The following COL24A1 variants were observed in gnomAD, a reference collection of about 807,000 sequenced individuals.
The protein encoded by COL24A1 is collagen type XXIV alpha 1 chain, also known as collagen alpha-1(XXIV) chain.
A neutral mutation model predicts 253.9 loss-of-function variants in COL24A1; 224 were observed. That is an observed-to-expected ratio of 0.88 (90% confidence interval 0.79 to 0.99). The LOEUF (loss-of-function observed/expected upper bound fraction) is 0.99. Among genes scored for constraint, COL24A1 ranks in the 50% least tolerant of loss-of-function variants. COL24A1 has a pLI of 0.00. For synonymous variants in COL24A1, 685 were observed against 673.7 expected (o/e 1.02, Z -0.26); for missense variants, 2,131 against 2,068.5 (o/e 1.03, Z -0.59).
chr1:86,124,722 TC>T, intron 3 of COL24A1, 122 bp downstream of exon 3: 1 of 671,872 alleles, frequency 1.5e-6, no homozygotes, highest in African/African-American at 1.9e-5. Flanking sequence ...AGAATGCATT[TC>T]CATGACAGAC....
intron 24 of COL24A1, among the ~76,000 whole-genome samples, chr1:85,955,288 G>A (rs1405849782): frequency 6.6e-6 from 1 of 152,146 alleles, no homozygotes; most frequent in Non-Finnish European, 1.5e-5. Flanking sequence ...CTCCCCATCT[G>A]GCTTGCTGAG....
At chr1:86,140,612 G>T (rs1056898498) in intron 2 of COL24A1, among the ~76,000 whole-genome samples, 2 of 152,140 alleles carry the variant, frequency 1.3e-5, no homozygotes, top group Non-Finnish European at 2.9e-5. Flanking sequence ...TTTTACACAC[G>T]TGGTTTTCAC....
At chr1:85,863,112 CTGTT>C (rs1416992382) in intron 37 of COL24A1, among the ~76,000 whole-genome samples, 9 of 152,134 alleles carry the variant, frequency 5.9e-5, no homozygotes, top group South Asian at 4.1e-4. Flanking sequence ...ATTTAGCTCT[CTGTT>C]TGTCTGTTAT....
intron 7 of COL24A1, 97 bp from the exon 8 acceptor site, chr1:86,063,856 G>T: frequency 1.6e-6 from 1 of 628,328 alleles, no homozygotes; most frequent in Non-Finnish European, 2.6e-6. Flanking sequence ...CCCAACTTTT[G>T]GTTGCCTCAT....
intron 24 of COL24A1, among the ~76,000 whole-genome samples, chr1:85,932,049 C>G (rs1183012294): frequency 1.3e-5 from 1 of 76,898 alleles, no homozygotes; most frequent in Non-Finnish European, 2.6e-5. Flanking sequence ...GTCCAAAACA[C>G]CAAAAGCAAT....
At chr1:86,089,321 G>T in intron 6 of COL24A1, 94 bp from the exon 7 acceptor site, 2 of 975,202 alleles carry the variant, frequency 2.1e-6, no homozygotes, top group Non-Finnish European at 3.1e-6. Context: ...TTGGACATCA[G>T]CTCTTATTAC....
At chr1:86,067,422 C>T (rs1198374100) in intron 7 of COL24A1, among the ~76,000 whole-genome samples, 1 of 152,124 alleles carries the variant, frequency 6.6e-6, no homozygotes, top group African/African-American at 2.4e-5. Flanking sequence ...TTACTGTACT[C>T]ACTGTGGTGT....
In COL24A1 at chr1:85,775,603, G is replaced by A. The variant is rs1302946758; in HGVS notation, c.4374+71C>T. 8.9e-6 allele frequency: 11 copies of A among 1,242,688 alleles called. No individual in the cohort carries two copies. The South Asian group carries it at 1.2e-4, about 13-fold the overall frequency. 77.0% of individuals were successfully genotyped at this position (1,242,688 alleles called of 1,614,324 possible). On this transcript the variant is annotated intron_variant, in intron 53 of 59. Coordinates refer to ENST00000370571, the MANE Select transcript of COL24A1 (RefSeq NM_152890.7). Reference sequence around the variant, plus strand: ...GACATAATAATGGATAACTCTAACAGGGTCCTTGCTTTCATGGAGCTTATA... The same window carrying A: ...GACATAATAATGGATAACTCTAACAAGGTCCTTGCTTTCATGGAGCTTATA...
At chr1:85,818,185 C>G (rs374676425) in intron 45 of COL24A1, 98 bp from the exon 46 acceptor site, 2 of 837,978 alleles carry the variant, frequency 2.4e-6, no homozygotes, top group Admixed American at 2.0e-5. Context: ...GCAGCAAGAA[C>G]TAGCACGAAC....
intron 57 of COL24A1, among the ~76,000 whole-genome samples, chr1:85,738,284 A>T (rs1427735522): frequency 1.3e-5 from 2 of 152,198 alleles, no homozygotes; most frequent in African/African-American, 4.8e-5. Context: ...ATATATCTTT[A>T]TGTATAATAC....
In COL24A1 at chr1:85,737,476, A is replaced by T; in HGVS notation, c.4702T>A (p.Cys1568Ser). Residue 1568 changes from cysteine to serine, a missense_variant, in exon 58 of 60, where the codon TGT (cysteine) becomes AGT (serine). Physicochemically the swap from Cys to Ser is moderately radical, Grantham distance 112. Coordinates refer to ENST00000370571, the MANE Select transcript of COL24A1 (RefSeq NM_152890.7). ...AAAACCTCAATGGCATCTGAAGGAC[A>T]GCCAAGATTTGGGTCAATCCAGTAT... ...GKYWIDPNLG[C>S]PSDAIEVFCN... The T allele has an allele frequency of 6.2e-7, 1 of 1,612,690 alleles. No homozygotes were observed. The highest frequency in any genetic ancestry group is 8.5e-7 in the Non-Finnish European group (1 of 1,179,120).
intron 7 of COL24A1, among the ~76,000 whole-genome samples, chr1:86,077,709 A>G (rs1702352928): frequency 1.3e-5 from 2 of 152,154 alleles, no homozygotes; most frequent in African/African-American, 4.8e-5. Context: ...GAAGCTGGAA[A>G]CCATCATTCT....
At chr1:86,077,832 C>A in intron 7 of COL24A1, among the ~76,000 whole-genome samples, 1 of 135,482 alleles carries the variant, frequency 7.4e-6, no homozygotes, top group Non-Finnish European at 1.6e-5. Context: ...ACACCAGGGC[C>A]TGTGGGGGTT....
intron 43 of COL24A1, among the ~76,000 whole-genome samples, chr1:85,829,973 C>T (rs868649385): frequency 3.9e-5 from 6 of 152,102 alleles, no homozygotes; most frequent in South Asian, 2.1e-4. Context: ...TGAGGAACTG[C>T]GTTCCTTTGG....
At chr1:85,916,639 T>C (rs572479072) in intron 24 of COL24A1, among the ~76,000 whole-genome samples, 1 of 152,202 alleles carries the variant, frequency 6.6e-6, no homozygotes, top group South Asian at 2.1e-4. Context: ...TAAGCCTGAG[T>C]GACAGAGCAA....
intron 2 of COL24A1, among the ~76,000 whole-genome samples, chr1:86,135,035 G>A (rs1572041814): frequency 6.6e-6 from 1 of 151,754 alleles, no homozygotes; most frequent in African/African-American, 2.4e-5. Flanking sequence ...GGGTGCTCCT[G>A]CATTGGGTGT....
At chr1:86,049,184 G>A (rs957967757) in intron 11 of COL24A1, among the ~76,000 whole-genome samples, 1 of 152,124 alleles carries the variant, frequency 6.6e-6, no homozygotes, top group Non-Finnish European at 1.5e-5. Context: ...TGTTCACCAG[G>A]GGAAAATCTT....
intron 52 of COL24A1, among the ~76,000 whole-genome samples, chr1:85,778,023 C>CTCTATCTATCTATCTATCTATCTA (rs71075864): frequency 8.0e-5 from 12 of 149,130 alleles, no homozygotes; most frequent in South Asian, 2.1e-4. Context: ...ATGTCTCTAT[C>CTCTATCTATCTATCTATCTATCTA]TCTATCTATC....
Position 85,734,916 on chromosome 1 carries a change from T to C in COL24A1, c.4831A>G (p.Ser1611Gly). The C allele has an allele frequency of 6.2e-7, 1 of 1,614,206 alleles. No individual in the cohort carries two copies. The highest frequency in any genetic ancestry group is 1.7e-5 in the Admixed American group (1 of 60,014). Residue 1611 changes from serine to glycine, a missense_variant, in exon 59 of 60, where the codon AGT becomes GGT. By Grantham distance (56) the Ser-to-Gly change is moderately conservative (BLOSUM62 0). Coordinates refer to ENST00000370571, the MANE Select transcript of COL24A1 (RefSeq NM_152890.7). ...KVQMNFLHLL[S>G]SEATHIITIH... is the part of the protein sequence containing the mutation. ...GTGATGATATGGGTGGCTTCCGAAC[T>C]CAGTAAATGAAGGAAGTTCATCTGG...
Sources: gnomAD v4.1 joint callset for allele counts (sites outside exome capture counted in the v4.1 genomes callset) on GRCh38, gnomAD v4.1.1 for gene constraint, MANE v1.5 for transcripts, NCBI Gene and HGNC (gene_info 2026-07-23, HGNC 2026-07-21) for gene names.